Variants in HSPG2 observed in about 807,000 individuals in gnomAD.
HSPG2 encodes the protein heparan sulfate proteoglycan 2.
In HSPG2, 278 loss-of-function variants were observed where a neutral mutation model predicts 526.6. The observed-to-expected ratio is 0.53, with a 90% CI of 0.48 to 0.58. HSPG2 has a LOEUF of 0.58. Among genes scored for constraint, HSPG2 ranks in the 20% least tolerant of loss-of-function variants. The probability of loss-of-function intolerance (pLI) is 0.00; values close to 1 mark genes in which losing one functional copy is unlikely to be tolerated. For synonymous variants in HSPG2, 2,465 were observed against 2,555.4 expected (o/e 0.96, Z 1.07); for missense variants, 5,354 against 6,099.5 (o/e 0.88, Z 4.07).
At position 21,872,419 on chromosome 1, in the gene HSPG2, G is replaced by A. The variant is rs1640721715; in HGVS notation, c.4030-42C>T. The A allele has an allele frequency of 1.3e-6, 2 of 1,526,008 alleles. No individual in the cohort carries two copies. The highest frequency in any genetic ancestry group is 1.8e-6 in the Non-Finnish European group (2 of 1,128,730). The allele number at this position is 1,526,008 out of a possible 1,614,324, so 94.5% of individuals were successfully genotyped here. On this transcript the variant is annotated intron_variant, in intron 32 of 96. Coordinates refer to ENST00000374695, the MANE Select transcript of HSPG2 (RefSeq NM_005529.7). The surrounding 1 kb of genome is among the most constrained non-coding windows in gnomAD (Gnocchi z 5.5). The stretch of plus-strand genomic sequence containing the variant: ...GAGGGGGCGTCAGCCTGAGCACCGG[G>A]GTGCCTTGGTGGGGGATGGGGCACG...
chr1:21,857,115 C>T lies in HSPG2; in HGVS notation c.5475G>A (p.Leu1825=). 1.2e-6 allele frequency: 2 copies of T among 1,614,146 alleles called. No individual in the cohort carries two copies. Among genetic ancestry groups the T allele is most frequent in the Non-Finnish European group, 8.5e-7 (1 of 1,180,038 alleles). Residue 1825 remains leucine (L), a synonymous_variant, in exon 44 of 97, where the codon CTG becomes CTA. Transcript: ENST00000374695. The part of the protein sequence containing the change: ...PTRAMDFNGI[L]TIRNVQLSDA... ...CACTCAGCTGGACGTTGCGAATGGT[C>T]AGGATGCCATTGAAATCCATGGCTC...
intron 1 of HSPG2, among the ~76,000 whole-genome samples, chr1:21,925,524 G>A (rs1014139758): frequency 6.6e-6 from 1 of 152,210 alleles, no homozygotes; most frequent in Non-Finnish European, 1.5e-5. Flanking sequence ...TGACTGAGAA[G>A]AATCAGGGTT....
intron 84 of HSPG2, 54 bp downstream of exon 84, chr1:21,831,161 A>G: frequency 6.2e-7 from 1 of 1,600,004 alleles, no homozygotes; most frequent in East Asian, 2.2e-5. Context: ...GGGGCCAGCC[A>G]TGGCTAGGGG....
chr1:21,885,342 G>T lies in HSPG2; in HGVS notation c.1188C>A (p.Asp396Glu). ...CACTGCAGCCAAACTCGTCGCTCCGGTCAGGACAGTCGCTCTCCTCGTCAC... is the reference window on the plus strand; with the variant it reads ...CACTGCAGCCAAACTCGTCGCTCCGTTCAGGACAGTCGCTCTCCTCGTCAC... ...FHCDEESDCP[D>E]RSDEFGCMPP... Residue 396 changes from aspartate (D) to glutamate (E), a missense_variant, in exon 10 of 97, where the codon GAC becomes GAA. Transcript: ENST00000374695. 1 of 1,614,090 alleles carries T rather than the reference G, an allele frequency of 6.2e-7. No homozygotes were observed. The highest frequency in any genetic ancestry group is 8.5e-7 in the Non-Finnish European group (1 of 1,180,012).
At position 21,885,448 on chromosome 1, in the gene HSPG2, G is replaced by T. The variant is rs75467696; in HGVS notation, c.1082C>A (p.Thr361Asn). 5.7e-3 allele frequency: 9,141 copies of T among 1,613,976 alleles called. 41 individuals carry two copies. Among genetic ancestry groups the T allele is most frequent in the Non-Finnish European group, 6.8e-3 (8,029 of 1,179,972 alleles). Residue 361 changes from threonine (T) to asparagine (N), a missense_variant, in exon 10 of 97, where the codon ACC (threonine) becomes AAC (asparagine). Thr to Asn is a moderately conservative substitution (Grantham distance 65, BLOSUM62 0). Transcript: ENST00000374695. The stretch of plus-strand genomic sequence containing the variant: ...CCCGCACACTTCCTCAGGACGCTTG[G>T]TGGCTGGGGACAAAGCCAGGTGGTT... ...EDRTDEANCPTKRPEEVCGPT... is the reference protein window; with the variant it reads ...EDRTDEANCPNKRPEEVCGPT...
Position 21,887,929 on chromosome 1 carries a change from T to C in HSPG2, c.703+9A>G. ...CCCAAACCACTCGTGGCCCCGGACA[T>C]CCCCTCACCACAATTGAGCTCATCA... On this transcript the variant is annotated intron_variant, in intron 7 of 96. Transcript: ENST00000374695. This position sits in a 1 kb window ranked among gnomAD's most constrained non-coding sequence, Gnocchi z 5.0. 2 of 1,613,662 alleles carry C rather than the reference T, an allele frequency of 1.2e-6. No individual in the cohort carries two copies. Among genetic ancestry groups the C allele is most frequent in the Non-Finnish European group, 8.5e-7 (1 of 1,179,944 alleles).
intron 67 of HSPG2, 29 bp downstream of exon 67, chr1:21,842,741 T>G (rs1322267638): frequency 6.2e-7 from 1 of 1,612,156 alleles, no homozygotes; most frequent in Non-Finnish European, 8.5e-7. Context: ...TTGCCTGACC[T>G]GGAATCCTCC....
rs1223747396 is a variant in HSPG2, at chr1:21,874,397, T to C, written c.3656+9A>G. 2.5e-6 allele frequency: 4 copies of C among 1,611,272 alleles called. No homozygotes were observed. The East Asian group carries it at 6.7e-5, about 27-fold the overall frequency. On this transcript the variant is annotated intron_variant, in intron 28 of 96. Transcript: ENST00000374695. ...GGGAAGGGCAGGTGCAGGCAGGGACTGGACGCACTGGCCGGCAGCAGGGTC... is the reference window on the plus strand; with the variant it reads ...GGGAAGGGCAGGTGCAGGCAGGGACCGGACGCACTGGCCGGCAGCAGGGTC...
chr1:21,876,067 T>C, intron 23 of HSPG2, 25 bp from the exon 24 acceptor site: 6 of 1,613,034 alleles, frequency 3.7e-6, no homozygotes, highest in Non-Finnish European at 5.1e-6. Flanking sequence ...AGACAGGAGC[T>C]TGCGGAGGCC....
At chr1:21,826,902 C>A (rs139438264) in intron 91 of HSPG2, among the ~76,000 whole-genome samples, 4 of 151,972 alleles carry the variant, frequency 2.6e-5, no homozygotes, top group African/African-American at 4.8e-5. Flanking sequence ...TGGCCGGGCG[C>A]GGTGGCTTAT....
intron 74 of HSPG2, among the ~76,000 whole-genome samples, chr1:21,837,882 T>C (rs2098033008): frequency 6.6e-6 from 1 of 151,910 alleles, no homozygotes; most frequent in Non-Finnish European, 1.5e-5. Context: ...ACGCCGGTAA[T>C]CCCAGCACTT....
intron 76 of HSPG2, 57 bp from the exon 77 acceptor site, chr1:21,835,002 G>C: frequency 6.3e-7 from 1 of 1,595,378 alleles, no homozygotes; most frequent in African/African-American, 1.3e-5. Flanking sequence ...CCTGGCCCGA[G>C]GGAGGCCATA....
intron 1 of HSPG2, among the ~76,000 whole-genome samples, chr1:21,925,295 T>C (rs1031574536): frequency 6.6e-6 from 1 of 152,240 alleles, no homozygotes; most frequent in African/African-American, 2.4e-5. Context: ...GGAAGGATTC[T>C]TGAAGCTTCC....
At chr1:21,917,482 T>TAAAA (rs1026445786) in intron 1 of HSPG2, among the ~76,000 whole-genome samples, 68 of 135,030 alleles carry the variant, frequency 5.0e-4, no homozygotes, top group South Asian at 7.1e-4. Flanking sequence ...AATAAATAAA[T>TAAAA]AAAAATAAAA....
chr1:21,838,427 C>G (rs2152702295), intron 74 of HSPG2, among the ~76,000 whole-genome samples: 1 of 152,360 alleles, frequency 6.6e-6, no homozygotes, highest in South Asian at 2.1e-4. Context: ...TCACTGTTGT[C>G]CCTGTCAAGC....
At chr1:21,922,563 A>C (rs1644069212) in intron 1 of HSPG2, among the ~76,000 whole-genome samples, 1 of 152,154 alleles carries the variant, frequency 6.6e-6, no homozygotes, top group African/African-American at 2.4e-5. Flanking sequence ...CACTTGAAGT[A>C]TGAAGTAAAG....
chr1:21,863,334 C>T lies in HSPG2; in HGVS notation c.4740+766G>A, dbSNP rs1468547026. Among the ~76,000 whole-genome samples the T allele has an allele frequency of 8.2e-5, 12 of 146,236 alleles. No homozygotes were observed. The East Asian group carries it at 8.4e-4, about 10-fold the overall frequency. On this transcript the variant is annotated intron_variant, in intron 37 of 96. Transcript: ENST00000374695. ...CTTGCAGTGAGCCCAGATGGCGCCA[C>T]TGCACTCCAGCCTGGGTGACGGAGC...
At chr1:21,886,950 G>A (rs1035313920) in intron 9 of HSPG2, among the ~76,000 whole-genome samples, 17 of 152,168 alleles carry the variant, frequency 1.1e-4, no homozygotes, top group Non-Finnish European at 2.1e-4. Flanking sequence ...GACGAGACAC[G>A]AACCACAGGC....
At chr1:21,910,206 G>C (rs1276530158) in intron 1 of HSPG2, among the ~76,000 whole-genome samples, 6 of 152,234 alleles carry the variant, frequency 3.9e-5, no homozygotes, top group Non-Finnish European at 7.3e-5. Flanking sequence ...TGGGCTGCAC[G>C]GGGTATTTAA....
Sources: gnomAD v4.1 joint callset for allele counts (sites outside exome capture counted in the v4.1 genomes callset) on GRCh38, gnomAD v4.1.1 for gene constraint, Gnocchi (gnomAD v3.1) non-coding constraint, MANE v1.5 for transcripts, NCBI Gene and HGNC (gene_info 2026-07-23, HGNC 2026-07-21) for gene names.